Variants in DNAJB13 observed in about 807,000 individuals in gnomAD.
DNAJB13 encodes the protein DnaJ heat shock protein family (Hsp40) member B13, also known as dnaJ homolog subfamily B member 13.
Under a neutral mutation model 35.6 loss-of-function variants are expected in DNAJB13, and 22 were observed. The observed-to-expected ratio is 0.62, with a 90% CI of 0.44 to 0.88. The LOEUF (loss-of-function observed/expected upper bound fraction) is 0.88. Among genes scored for constraint, DNAJB13 ranks in the 40% least tolerant of loss-of-function variants. DNAJB13 has a pLI of 0.00. For synonymous variants in DNAJB13, 136 were observed against 144.2 expected (o/e 0.94, Z 0.41); for missense variants, 370 against 384.3 (o/e 0.96, Z 0.31).
chr11:73,956,802 T>TAAA (rs1950754335), intron 1 of DNAJB13, among the ~76,000 whole-genome samples: 1 of 72,402 alleles, frequency 1.4e-5, no homozygotes, highest in African/African-American at 5.9e-5. Flanking sequence ...AAACTCCATC[T>TAAA]CAAAAAAAAA....
intron 3 of DNAJB13, among the ~76,000 whole-genome samples, chr11:73,961,972 T>A (rs114202670): frequency 0.011 from 1,683 of 152,142 alleles, 25 homozygotes; most frequent in African/African-American, 0.037. Flanking sequence ...GTATTTTGAG[T>A]AGAGATGGGG....
rs965206614 is a variant in DNAJB13 at position 73,968,428 on chromosome 11, C to G, written c.690C>G (p.Leu230=). The part of the protein sequence containing the change: ...HPRFRRENDN[L]FFVNPIPLGK... ...GCTTCCGCAGGGAGAATGACAACCTCTTCTTCGTGAACCCCATCCCTCTTG... is the reference window on the plus strand; with the variant it reads ...GCTTCCGCAGGGAGAATGACAACCTGTTCTTCGTGAACCCCATCCCTCTTG... Residue 230 remains leucine (L), a synonymous_variant, in exon 6 of 8, where the codon CTC becomes CTG. Coordinates refer to ENST00000339764, the MANE Select transcript of DNAJB13 (RefSeq NM_153614.4). 33 of 1,614,026 alleles carry G rather than the reference C, an allele frequency of 2.0e-5. No homozygotes were observed. The highest frequency in any genetic ancestry group is 2.8e-5 in the Non-Finnish European group (33 of 1,180,004).
At chr11:73,957,706 A>T (rs1164722768) in intron 1 of DNAJB13, among the ~76,000 whole-genome samples, 1 of 152,222 alleles carries the variant, frequency 6.6e-6, no homozygotes, top group Admixed American at 6.5e-5. Flanking sequence ...GGGGCGGCAC[A>T]GGAACCGGAC....
rs779763518 is a variant in DNAJB13 at position 73,966,276 on chromosome 11, G to C, written c.606+25G>C. ...GGTGAGGGGGGAAGAAGCTGACTCA[G>C]GTCAGTCACTGAGCTCAGGCGGTGG... On this transcript the variant is annotated intron_variant, in intron 5 of 7. Coordinates refer to ENST00000339764, the MANE Select transcript of DNAJB13 (RefSeq NM_153614.4). 7.5e-6 allele frequency: 12 copies of C among 1,599,140 alleles called. No individual in the cohort carries two copies. In the Admixed American group the frequency reaches 2.1e-4, roughly 27 times the overall value.
intron 2 of DNAJB13, 60 bp downstream of exon 2, chr11:73,958,480 C>A: frequency 6.8e-7 from 1 of 1,473,878 alleles, no homozygotes; most frequent in Non-Finnish European, 9.4e-7. Flanking sequence ...AGTCTCTAGA[C>A]TGTTGGGTTT....
At chr11:73,955,046 T>A (rs1709325043) in intron 1 of DNAJB13, among the ~76,000 whole-genome samples, 1 of 151,976 alleles carries the variant, frequency 6.6e-6, no homozygotes, top group African/African-American at 2.4e-5. Context: ...GCAATAACTC[T>A]AAGTCACATG....
rs931221529 is a variant in DNAJB13 at position 73,966,169 on chromosome 11, T to C, written c.524T>C (p.Ile175Thr). The stretch of plus-strand genomic sequence containing the variant: ...AACGAGGATGGGTACTCCTCCACCA[T>C]CAAGGACAAGATCCTGACCATTGAT... ...VLNEDGYSST[I>T]KDKILTIDVK... Residue 175 changes from isoleucine to threonine, a missense_variant, in exon 5 of 8, where the codon ATC (isoleucine) becomes ACC (threonine). Transcript: ENST00000339764. The C allele has an allele frequency of 2.5e-6, 4 of 1,613,506 alleles. No individual in the cohort carries two copies. The highest frequency in any genetic ancestry group is 2.5e-6 in the Non-Finnish European group (3 of 1,179,920).
intron 3 of DNAJB13, among the ~76,000 whole-genome samples, chr11:73,962,911 C>T (rs1483072403): frequency 6.6e-6 from 1 of 152,152 alleles, no homozygotes; most frequent in Non-Finnish European, 1.5e-5. Flanking sequence ...ATTTGTGAAC[C>T]GTGTGATCCT....
chr11:73,958,783 C>T (rs774245029), intron 2 of DNAJB13, among the ~76,000 whole-genome samples: 6 of 152,216 alleles, frequency 3.9e-5, no homozygotes, highest in Non-Finnish European at 8.8e-5. Context: ...GGCGTGCCCA[C>T]CTGTCCCTCC....
intron 1 of DNAJB13, among the ~76,000 whole-genome samples, chr11:73,954,657 A>C (rs1950691471): frequency 6.7e-6 from 1 of 149,604 alleles, no homozygotes; most frequent in Non-Finnish European, 1.5e-5. Flanking sequence ...TAAATAAATA[A>C]ATAAATAAAT....
Position 73,959,542 on chromosome 11 carries a change from G to A in DNAJB13, c.221G>A (p.Gly74Asp), listed in dbSNP as rs777289652. Residue 74 changes from glycine to aspartate, a missense_variant, in exon 3 of 8, where the codon GGT becomes GAT. Coordinates refer to ENST00000339764, the MANE Select transcript of DNAJB13 (RefSeq NM_153614.4). ...AAGTTTGGAGAAGAGGGCCTGAAGG[G>A]TGGGATTCCTTTGGAGTTTGGATCC... ...YDKFGEEGLK[G>D]GIPLEFGSQT... 1 of 1,614,124 alleles carries A rather than the reference G, an allele frequency of 6.2e-7. No homozygotes were observed. The highest frequency in any genetic ancestry group is 1.1e-5 in the South Asian group (1 of 91,082).
intron 1 of DNAJB13, among the ~76,000 whole-genome samples, chr11:73,951,669 G>A (rs543256163): frequency 2.0e-5 from 3 of 152,214 alleles, no homozygotes; most frequent in Admixed American, 1.3e-4. Context: ...GTTTTGAGAC[G>A]GAGTCTTGGT....
chr11:73,962,996 G>A (rs1247919676), intron 3 of DNAJB13, among the ~76,000 whole-genome samples: 1 of 152,126 alleles, frequency 6.6e-6, no homozygotes, highest in African/African-American at 2.4e-5. Flanking sequence ...TAAGGCTCAA[G>A]GGCTATTATC....
At chr11:73,952,236 C>T (rs1460626362) in intron 1 of DNAJB13, among the ~76,000 whole-genome samples, 1 of 152,090 alleles carries the variant, frequency 6.6e-6, no homozygotes, top group African/African-American at 2.4e-5. Context: ...AAGATGAGGC[C>T]AGAGAAAGGG....
At chr11:73,954,733 A>T (rs12284230) in intron 1 of DNAJB13, among the ~76,000 whole-genome samples, 1 of 151,902 alleles carries the variant, frequency 6.6e-6, no homozygotes, top group South Asian at 2.1e-4. Context: ...AGGCAGGAGG[A>T]TCTCCTGAGG....
intron 1 of DNAJB13, among the ~76,000 whole-genome samples, chr11:73,953,658 T>A (rs1375147935): frequency 1.1e-4 from 16 of 152,162 alleles, no homozygotes; most frequent in Non-Finnish European, 7.4e-5. Context: ...TTTTAACTAC[T>A]GGGTTTAGGC....
chr11:73,952,362 G>T (rs777806831), intron 1 of DNAJB13, among the ~76,000 whole-genome samples: 18 of 152,194 alleles, frequency 1.2e-4, no homozygotes, highest in Non-Finnish European at 2.2e-4. Context: ...TGAGTGTGTA[G>T]GTGCTGTTCT....
intron 2 of DNAJB13, among the ~76,000 whole-genome samples, chr11:73,958,838 G>A (rs1408871986): frequency 1.3e-5 from 2 of 152,170 alleles, no homozygotes; most frequent in Non-Finnish European, 2.9e-5. Context: ...CCCAGGGCCA[G>A]CAACAGTAGG....
At chr11:73,969,348 GT>G in intron 7 of DNAJB13, 26 bp downstream of exon 7, 1 of 869,992 alleles carries the variant, frequency 1.1e-6, no homozygotes, top group Non-Finnish European at 2.0e-6. Context: ...TTGGGCCCCA[GT>G]AGCCAAGAGA....
Sources: allele counts gnomAD v4.1 joint callset (sites outside exome capture counted in the v4.1 genomes callset), GRCh38; gene constraint gnomAD v4.1.1; transcripts MANE v1.5; gene names NCBI Gene and HGNC (gene_info 2026-07-23, HGNC 2026-07-21).